Variants in PLOD3 observed in about 807,000 individuals in gnomAD.
PLOD3 encodes the protein multifunctional procollagen lysine hydroxylase and glycosyltransferase LH3.
Under a neutral mutation model 96.9 loss-of-function variants are expected in PLOD3, and 73 were observed. The observed-to-expected ratio is 0.75, with a 90% CI of 0.62 to 0.92. The LOEUF is 0.92. Ranked by LOEUF, PLOD3 falls within the 40% of genes least tolerant of loss-of-function variation. The probability of loss-of-function intolerance (pLI) is 0.00; values close to 1 mark genes in which losing one functional copy is unlikely to be tolerated. For synonymous variants in PLOD3, 454 were observed against 413.7 expected (o/e 1.10, Z -1.18); for missense variants, 1,004 against 1,004.3 (o/e 1.00, Z 0.00).
intron 14 of PLOD3, 64 bp from the exon 15 acceptor site, chr7:101,210,225 C>A: frequency 2.0e-6 from 3 of 1,480,420 alleles, no homozygotes; most frequent in Non-Finnish European, 2.8e-6. Context: ...CAGGGGACCG[C>A]CCCCTCCCAC....
intron 18 of PLOD3, 118 bp downstream of exon 18, chr7:101,206,661 C>T: frequency 2.4e-6 from 3 of 1,260,490 alleles, no homozygotes; most frequent in South Asian, 1.3e-5. Context: ...GAGCTGATAC[C>T]CACAAAGTCA....
At position 101,207,570 on chromosome 7, in the gene PLOD3, C is replaced by CAGCG. The variant is rs1265542864; in HGVS notation, c.1935+4_1935+7dup. On this transcript the variant is annotated splice_region_variant and intron_variant, in intron 17 of 18. Transcript: ENST00000223127. The stretch of plus-strand genomic sequence containing the variant: ...GGTGGGGAGGCAGCTGGCAGGTGGG[C>CAGCG]AGCGCACCTTGGTGTGGTAACCGGG... 8.1e-6 allele frequency: 13 copies of CAGCG among 1,613,158 alleles called. No individual in the cohort carries two copies. Among genetic ancestry groups the CAGCG allele is most frequent in the Non-Finnish European group, 1.1e-5 (13 of 1,179,286 alleles).
At chr7:101,207,808 C>T in intron 16 of PLOD3, 84 bp from the exon 17 acceptor site, 4 of 1,466,976 alleles carry the variant, frequency 2.7e-6, no homozygotes, top group Non-Finnish European at 3.8e-6. Context: ...TTCCTCCCGT[C>T]CTCCAGCCTT....
intron 2 of PLOD3, 45 bp from the exon 3 acceptor site, chr7:101,216,591 T>TG (rs749851485): frequency 1.7e-5 from 28 of 1,612,792 alleles, no homozygotes; most frequent in African/African-American, 1.1e-4. Flanking sequence ...TGGGGAGTTG[T>TG]GGGGGGAACT....
chr7:101,212,766 C>T, intron 8 of PLOD3, 76 bp downstream of exon 8: 1 of 1,566,600 alleles, frequency 6.4e-7, no homozygotes, highest in Non-Finnish European at 8.8e-7. Flanking sequence ...CCCCCACCGC[C>T]CCCCAGTCCG....
chr7:101,211,911 G>A lies in PLOD3; in HGVS notation c.1167C>T (p.Phe389=), dbSNP rs1240777445. The A allele has an allele frequency of 6.8e-6, 11 of 1,611,272 alleles. No homozygotes were observed. Among genetic ancestry groups the A allele is most frequent in the Non-Finnish European group, 9.3e-6 (11 of 1,179,038 alleles). The change falls in exon 11 of 19, where the codon TTC becomes TTT. Residue 389 remains phenylalanine (F), a synonymous_variant. Coordinates refer to ENST00000223127, the MANE Select transcript of PLOD3 (RefSeq NM_001084.5). ...TGAGGACAGCGTCGGCGTCCAGGCTGAAGTAGAACTCACACTCGGGGTCCT... is the reference window on the plus strand; with the variant it reads ...TGAGGACAGCGTCGGCGTCCAGGCTAAAGTAGAACTCACACTCGGGGTCCT... ...CRQDPECEFY[F]SLDADAVLTN...
In PLOD3 at chr7:101,206,911, G is replaced by C. The variant is rs1424752468; in HGVS notation, c.1936-7C>G. The C allele has an allele frequency of 6.4e-7, 1 of 1,555,264 alleles. No individual in the cohort carries two copies. The highest frequency in any genetic ancestry group is 2.4e-5 in the East Asian group (1 of 41,612). ...AGTTCATCACCGCCCGCGCCTGGGG[G>C]AGAGGAGGGAAGAGGCTGCAGGGAC... On this transcript the variant is annotated splice_polypyrimidine_tract_variant and splice_region_variant and intron_variant, in intron 17 of 18. Coordinates refer to ENST00000223127, the MANE Select transcript of PLOD3 (RefSeq NM_001084.5).
rs1487642869 is a variant in PLOD3, at chr7:101,207,326, G to A, written c.1935+252C>T. On this transcript the variant is annotated intron_variant, in intron 17 of 18. Coordinates refer to ENST00000223127, the MANE Select transcript of PLOD3 (RefSeq NM_001084.5). Reference sequence around the variant, plus strand: ...ACGGTCCCTGTCCAGGGAGGGGAGGGGAGGGGCGGCGGGACCCCTGCGTAG... The same window carrying A: ...ACGGTCCCTGTCCAGGGAGGGGAGGAGAGGGGCGGCGGGACCCCTGCGTAG... Among the ~76,000 whole-genome samples, 5 of 152,220 alleles carry A rather than the reference G, an allele frequency of 3.3e-5. No homozygotes were observed. The East Asian group carries it at 9.7e-4, about 29-fold the overall frequency.
intron 12 of PLOD3, chr7:101,211,304 G>A (rs948574243): frequency 5.3e-5 from 19 of 358,806 alleles, no homozygotes; most frequent in Non-Finnish European, 6.7e-5. Context: ...CTCAGCCTCC[G>A]TAGTAGCTGG....
intron 2 of PLOD3, 52 bp downstream of exon 2, chr7:101,216,643 A>C: frequency 6.2e-7 from 1 of 1,603,622 alleles, no homozygotes; most frequent in African/African-American, 1.3e-5. Context: ...TCCAGACTTC[A>C]GCCCACCCCT....
intron 10 of PLOD3, 50 bp from the exon 11 acceptor site, chr7:101,212,000 G>T: frequency 7.6e-7 from 1 of 1,310,700 alleles, no homozygotes; most frequent in Non-Finnish European, 1.1e-6. Flanking sequence ...AGGCGGTGTG[G>T]ATGGGGTAAC....
chr7:101,209,445 T>C (rs1314845480), intron 15 of PLOD3, among the ~76,000 whole-genome samples: 1 of 151,920 alleles, frequency 6.6e-6, no homozygotes, highest in Non-Finnish European at 1.5e-5. Flanking sequence ...TGGCGTGATC[T>C]TGGCTCACTG....
At position 101,210,310 on chromosome 7, in the gene PLOD3, G is replaced by A. The variant is rs367616270; in HGVS notation, c.1614+21C>T. 4.4e-6 allele frequency: 7 copies of A among 1,592,600 alleles called. No homozygotes were observed. The African/African-American group carries it at 5.4e-5, about 12-fold the overall frequency. On this transcript the variant is annotated intron_variant, in intron 14 of 18. Coordinates refer to ENST00000223127, the MANE Select transcript of PLOD3 (RefSeq NM_001084.5). ...ACAAGGCGGGGAACCTGTGTGCTCTGGGCGTGGGGTCCCCACTCACGACGG... is the reference window on the plus strand; with the variant it reads ...ACAAGGCGGGGAACCTGTGTGCTCTAGGCGTGGGGTCCCCACTCACGACGG...
intron 16 of PLOD3, 22 bp downstream of exon 16, chr7:101,208,830 GC>G: frequency 6.8e-7 from 1 of 1,479,284 alleles, no homozygotes; most frequent in Non-Finnish European, 9.5e-7. Flanking sequence ...GAAGGCCTCT[GC>G]CCTCCTCGCC....
intron 10 of PLOD3, 41 bp downstream of exon 10, chr7:101,212,212 A>G (rs1407643546): frequency 1.2e-6 from 2 of 1,607,180 alleles, no homozygotes; most frequent in Non-Finnish European, 1.7e-6. Context: ...CTGACCCTAC[A>G]GCCTCATCCC....
chr7:101,215,672 CTT>C (rs5886172), intron 5 of PLOD3, among the ~76,000 whole-genome samples: 2 of 151,396 alleles, frequency 1.3e-5, no homozygotes, highest in Non-Finnish European at 3.0e-5. Flanking sequence ...TTTTTTCTTT[CTT>C]TTTTTTTGTA....
intron 10 of PLOD3, 38 bp downstream of exon 10, chr7:101,212,215 C>T (rs764990901): frequency 6.8e-6 from 11 of 1,608,114 alleles, no homozygotes; most frequent in East Asian, 2.2e-5. Flanking sequence ...ACCCTACAGC[C>T]TCATCCCACC....
intron 12 of PLOD3, chr7:101,211,373 C>G (rs756945241): frequency 6.9e-5 from 39 of 565,320 alleles, no homozygotes; most frequent in Non-Finnish European, 1.2e-4. Context: ...TAGAGATAGG[C>G]TCTTGCTACG....
At chr7:101,207,769 G>C in intron 16 of PLOD3, 45 bp from the exon 17 acceptor site, 1 of 1,610,366 alleles carries the variant, frequency 6.2e-7, no homozygotes, top group Non-Finnish European at 8.5e-7. Flanking sequence ...CAGCCATGGC[G>C]CTCCCCACCC....
Sources: gnomAD v4.1 joint callset for allele counts (sites outside exome capture counted in the v4.1 genomes callset) on GRCh38, gnomAD v4.1.1 for gene constraint, MANE v1.5 for transcripts, NCBI Gene and HGNC (gene_info 2026-07-23, HGNC 2026-07-21) for gene names.